CMSS1: variants seen among roughly 807,000 people sequenced by gnomAD.
CMSS1 encodes the protein cms1 ribosomal small subunit homolog, also known as protein CMSS1.
CMSS1 carries 33 observed loss-of-function variants against 43.5 expected under a neutral mutation model. The ratio of observed to expected loss-of-function variants is 0.76; its 90% CI spans 0.57 to 1.01. The LOEUF is 1.01. Among genes scored for constraint, CMSS1 ranks in the 50% least tolerant of loss-of-function variants. CMSS1 has a pLI of 0.00. For synonymous variants in CMSS1, 115 were observed against 117.2 expected, an observed-to-expected ratio of 0.98 and a Z score of 0.12; for missense variants, 313 against 326.4, an observed-to-expected ratio of 0.96 and a Z score of 0.32.
At chr3:99,936,740 G>T (rs1015969074) in intron 1 of CMSS1, among the ~76,000 whole-genome samples, 3 of 151,010 alleles carry the variant, frequency 2.0e-5, no homozygotes, top group Non-Finnish European at 2.9e-5. Context: ...TCAGAGTCAG[G>T]CCCTAATTTA....
intron 1 of CMSS1, among the ~76,000 whole-genome samples, chr3:100,118,397 T>C (rs2066593493): frequency 6.6e-6 from 1 of 152,144 alleles, no homozygotes. Context: ...TTTTGAGATA[T>C]TAAATGATCC....
chr3:100,094,745 A>G (rs2066174108), intron 1 of CMSS1, among the ~76,000 whole-genome samples: 1 of 133,172 alleles, frequency 7.5e-6, no homozygotes, highest in Admixed American at 9.1e-5. Flanking sequence ...GTGCAGTGGC[A>G]CAATCTCGGC....
chr3:100,162,716 A>G (rs769460959), intron 4 of CMSS1, among the ~76,000 whole-genome samples: 3 of 152,198 alleles, frequency 2.0e-5, no homozygotes, highest in South Asian at 4.1e-4. Context: ...GCTCACGCCT[A>G]TAATCCCAGC....
At chr3:99,846,183 A>G (rs1281106504) in intron 1 of CMSS1, among the ~76,000 whole-genome samples, 1 of 152,102 alleles carries the variant, frequency 6.6e-6, no homozygotes, top group African/African-American at 2.4e-5. Flanking sequence ...TGGGACAGCC[A>G]AGAGGAACCT....
At chr3:99,856,269 T>C (rs1000639817) in intron 1 of CMSS1, among the ~76,000 whole-genome samples, 4 of 152,232 alleles carry the variant, frequency 2.6e-5, no homozygotes, top group Non-Finnish European at 5.9e-5. Flanking sequence ...GAAAGTGTTG[T>C]TGGAAAAGGA....
At chr3:100,121,425 CT>C (rs1341657094) in intron 1 of CMSS1, among the ~76,000 whole-genome samples, 1 of 152,036 alleles carries the variant, frequency 6.6e-6, no homozygotes, top group South Asian at 2.1e-4. Flanking sequence ...TGAACTCATC[CT>C]TTTTTATGGC....
intron 1 of CMSS1, among the ~76,000 whole-genome samples, chr3:99,984,734 G>A (rs1216793273): frequency 6.6e-6 from 1 of 152,226 alleles, no homozygotes; most frequent in Non-Finnish European, 1.5e-5. Flanking sequence ...AGTAAGAATA[G>A]AAAGATCTAT....
In CMSS1 at chr3:100,007,688, T is replaced by C. The variant is rs78942512; in HGVS notation, c.65-139285T>C. On this transcript the variant is annotated intron_variant, in intron 1 of 9. Coordinates refer to ENST00000421999, the MANE Select transcript of CMSS1 (RefSeq NM_032359.4). ...AATTGCCTTAAACCAAAAAAGTGTG[T>C]CACTGATGGAAGCTACAGTATCGTG... 4.5e-3 allele frequency among the ~76,000 whole-genome samples: 688 copies of C among 152,316 alleles called. 7 individuals are homozygous for C. Among genetic ancestry groups the C allele is most frequent in the African/African-American group, 0.016 (674 of 41,572 alleles).
intron 1 of CMSS1, among the ~76,000 whole-genome samples, chr3:100,102,854 G>C (rs2066332707): frequency 6.6e-6 from 1 of 152,166 alleles, no homozygotes; most frequent in Admixed American, 6.5e-5. Context: ...TAGGAGAGAG[G>C]TTTTCTGTTT....
chr3:100,109,569 A>G (rs951895641), intron 1 of CMSS1, among the ~76,000 whole-genome samples: 3 of 152,126 alleles, frequency 2.0e-5, no homozygotes, highest in African/African-American at 7.2e-5. Context: ...TGTTGTATAA[A>G]TGAACTCATT....
At chr3:100,073,713 C>T (rs1559748379) in intron 1 of CMSS1, among the ~76,000 whole-genome samples, 1 of 152,192 alleles carries the variant, frequency 6.6e-6, no homozygotes, top group Non-Finnish European at 1.5e-5. Flanking sequence ...TCTAACATGA[C>T]AGCCGGTGTT....
intron 1 of CMSS1, among the ~76,000 whole-genome samples, chr3:100,113,506 AG>A (rs917215457): frequency 1.3e-5 from 2 of 152,228 alleles, no homozygotes; most frequent in African/African-American, 4.8e-5. Context: ...TAACATCAAC[AG>A]AAGGTAAACA....
intron 1 of CMSS1, among the ~76,000 whole-genome samples, chr3:100,101,698 C>G (rs1411100923): frequency 6.6e-6 from 1 of 151,938 alleles, no homozygotes; most frequent in African/African-American, 2.4e-5. Context: ...TATACATGTG[C>G]CATGTTGGTG....
At chr3:100,026,794 G>A (rs916721653) in intron 1 of CMSS1, among the ~76,000 whole-genome samples, 1 of 152,064 alleles carries the variant, frequency 6.6e-6, no homozygotes, top group South Asian at 2.1e-4. Context: ...CTCCTAACTG[G>A]TCTCACTGCT....
intron 1 of CMSS1, among the ~76,000 whole-genome samples, chr3:99,918,848 G>T (rs1559687690): frequency 6.6e-6 from 1 of 152,112 alleles, no homozygotes; most frequent in Non-Finnish European, 1.5e-5. Flanking sequence ...TTCTGTCAAA[G>T]AACTAGATGC....
At chr3:99,945,125 G>T (rs1449914752) in intron 1 of CMSS1, among the ~76,000 whole-genome samples, 1 of 152,210 alleles carries the variant, frequency 6.6e-6, no homozygotes, top group Non-Finnish European at 1.5e-5. Context: ...TCTCCCTGAT[G>T]CTTTTTGGTG....
chr3:100,162,442 A>G lies in CMSS1; in HGVS notation c.355+10A>G, dbSNP rs182038119. ...GAACTGAACCTGCCAGGTATAGCCA[A>G]GCTTCAATTTTCCTAAAGACAAGGA... On this transcript the variant is annotated intron_variant, in intron 4 of 9. Transcript: ENST00000421999. 1.8e-5 allele frequency: 29 copies of G among 1,605,210 alleles called. No individual in the cohort carries two copies. The Admixed American group carries it at 2.6e-4, about 14-fold the overall frequency.
chr3:99,840,673 A>G (rs1232195461), intron 1 of CMSS1, among the ~76,000 whole-genome samples: 1 of 152,230 alleles, frequency 6.6e-6, no homozygotes, highest in African/African-American at 2.4e-5. Context: ...GGAATTTTAA[A>G]TGATTTAAGG....
chr3:100,103,469 C>T (rs1311697833), intron 1 of CMSS1, among the ~76,000 whole-genome samples: 1 of 152,190 alleles, frequency 6.6e-6, no homozygotes, highest in African/African-American at 2.4e-5. Context: ...GTGTGAGCTC[C>T]TTTGTGTAAC....
Sources: allele counts gnomAD v4.1 joint callset (sites outside exome capture counted in the v4.1 genomes callset), GRCh38; gene constraint gnomAD v4.1.1; transcripts MANE v1.5; gene names NCBI Gene and HGNC (gene_info 2026-07-23, HGNC 2026-07-21).